The following PTPRM variants were observed in gnomAD, a reference collection of about 807,000 sequenced individuals.
PTPRM encodes receptor-type tyrosine-protein phosphatase mu.
PTPRM carries 47 observed loss-of-function variants against 186.7 expected under a neutral mutation model. The observed-to-expected ratio is 0.25, with a 90% CI of 0.20 to 0.32. The LOEUF (loss-of-function observed/expected upper bound fraction) is 0.32. PTPRM is among the 10% of genes least tolerant of loss of function. The pLI is 1.00. For synonymous variants in PTPRM, 668 were observed against 674.9 expected, an observed-to-expected ratio of 0.99 and a Z score of 0.16; for missense variants, 1,494 against 1,865.0, an observed-to-expected ratio of 0.80 and a Z score of 3.66.
intron 32 of PTPRM, among the ~76,000 whole-genome samples, chr18:8,405,544 T>C (rs556533799): frequency 6.6e-6 from 1 of 152,314 alleles, no homozygotes; most frequent in Non-Finnish European, 1.5e-5. Flanking sequence ...TCATGTGTTG[T>C]CATTGGGTTA....
At chr18:8,290,414 A>T (rs75657150) in intron 19 of PTPRM, among the ~76,000 whole-genome samples, 12,837 of 151,860 alleles carry the variant, frequency 0.085, 603 homozygotes, top group Middle Eastern at 0.16. Flanking sequence ...TCCTTTTTTA[A>T]TATCTAGGAG....
At chr18:8,172,284 T>A (rs4798612) in intron 14 of PTPRM, among the ~76,000 whole-genome samples, 82,578 of 144,220 alleles carry the variant, frequency 0.57, 23,979 homozygotes, top group East Asian at 0.86. Flanking sequence ...TTTTTTTTTT[T>A]ATAACTTTAC....
chr18:8,288,638 T>G (rs1157585202), intron 19 of PTPRM, among the ~76,000 whole-genome samples: 1 of 152,206 alleles, frequency 6.6e-6, no homozygotes, highest in East Asian at 1.9e-4. Flanking sequence ...AGTTACTGTT[T>G]CCATGACTAT....
intron 3 of PTPRM, 127 bp downstream of exon 3, chr18:7,888,504 G>C: frequency 9.1e-7 from 1 of 1,095,426 alleles, no homozygotes; most frequent in Non-Finnish European, 1.3e-6. Flanking sequence ...GGAGAAAGGG[G>C]AACTCTCATC....
At chr18:7,866,666 GA>G (rs1427269497) in intron 2 of PTPRM, among the ~76,000 whole-genome samples, 8 of 152,184 alleles carry the variant, frequency 5.3e-5, no homozygotes, top group Non-Finnish European at 1.2e-4. Flanking sequence ...ATATTCTGTT[GA>G]TTTGGGGTGG....
chr18:7,827,793 A>G (rs1244350310), intron 2 of PTPRM, among the ~76,000 whole-genome samples: 1 of 152,216 alleles, frequency 6.6e-6, no homozygotes, highest in Non-Finnish European at 1.5e-5. Context: ...TTATATATCC[A>G]TAGTGGACAT....
chr18:7,617,300 G>GTCTA (rs1402398813), intron 1 of PTPRM, among the ~76,000 whole-genome samples: 27 of 152,246 alleles, frequency 1.8e-4, no homozygotes, highest in Middle Eastern at 3.4e-3. Context: ...TCGATTTGTA[G>GTCTA]GTTGAATAAT....
At chr18:7,940,509 G>C (rs1338906819) in intron 5 of PTPRM, among the ~76,000 whole-genome samples, 1 of 152,178 alleles carries the variant, frequency 6.6e-6, no homozygotes, top group African/African-American at 2.4e-5. Flanking sequence ...TTGGCTCTGG[G>C]GGATGGGTGG....
chr18:8,041,032 A>G (rs1489993275), intron 7 of PTPRM, among the ~76,000 whole-genome samples: 2 of 152,186 alleles, frequency 1.3e-5, no homozygotes, highest in Non-Finnish European at 2.9e-5. Flanking sequence ...GGTGGTAATG[A>G]CTTGGAATTA....
chr18:8,271,393 A>T (rs138389656), intron 19 of PTPRM, among the ~76,000 whole-genome samples: 8 of 151,968 alleles, frequency 5.3e-5, no homozygotes, highest in African/African-American at 1.9e-4. Context: ...CTTGGTCATG[A>T]TATATATTAA....
At chr18:8,343,597 C>T in intron 23 of PTPRM, 77 bp downstream of exon 23, 1 of 1,314,104 alleles carries the variant, frequency 7.6e-7, no homozygotes. Flanking sequence ...ATGAGGCAAG[C>T]TTTTGAACTA....
intron 1 of PTPRM, among the ~76,000 whole-genome samples, chr18:7,663,201 C>T (rs533399833): frequency 9.8e-5 from 15 of 152,344 alleles, no homozygotes; most frequent in Admixed American, 9.8e-4. Context: ...GTCACGCACT[C>T]ACTAAGCACA....
chr18:8,002,515 T>G (rs1051613977), intron 7 of PTPRM, among the ~76,000 whole-genome samples: 5 of 152,178 alleles, frequency 3.3e-5, no homozygotes, highest in African/African-American at 1.2e-4. Context: ...GATCCATGAC[T>G]CTGGGAGAAG....
intron 14 of PTPRM, among the ~76,000 whole-genome samples, chr18:8,172,469 T>G (rs1422804120): frequency 6.6e-6 from 1 of 152,086 alleles, no homozygotes; most frequent in African/African-American, 2.4e-5. Context: ...CCAAGGAACC[T>G]GTCTCAGAAT....
chr18:8,065,239 A>C (rs2088968456), intron 7 of PTPRM, among the ~76,000 whole-genome samples: 1 of 152,210 alleles, frequency 6.6e-6, no homozygotes, highest in Non-Finnish European at 1.5e-5. Flanking sequence ...TGATCCTATC[A>C]GTCAGTTTTT....
At chr18:8,368,330 T>G (rs201640163) in intron 23 of PTPRM, among the ~76,000 whole-genome samples, 1 of 152,018 alleles carries the variant, frequency 6.6e-6, no homozygotes, top group Admixed American at 6.5e-5. Flanking sequence ...ACTTTACATC[T>G]GGGAAAGGAG....
chr18:7,930,498 G>C (rs1487854882), intron 5 of PTPRM, among the ~76,000 whole-genome samples: 2 of 152,158 alleles, frequency 1.3e-5, no homozygotes. Flanking sequence ...GGAAGTTTAG[G>C]ATTGTCCTGG....
At position 8,027,773 on chromosome 18, in the gene PTPRM, G is replaced by A. The variant is rs1191654114; in HGVS notation, c.1133-41913G>A. 7.2e-5 allele frequency among the ~76,000 whole-genome samples: 11 copies of A among 152,100 alleles called. 1 individual carries two copies. The highest frequency in any genetic ancestry group is 6.6e-4 in the Admixed American group (10 of 15,262). On this transcript the variant is annotated intron_variant, in intron 7 of 32. Coordinates refer to ENST00000580170, the MANE Select transcript of PTPRM (RefSeq NM_001105244.2). ...CAATTTACTGCAGTTTTAGAAAAAC[G>A]ATTGACTAGATACAAAGACAAGTCT... is the stretch of plus-strand genomic sequence containing the variant.
chr18:8,079,726 T>A (rs572453672), intron 9 of PTPRM, among the ~76,000 whole-genome samples: 2 of 152,066 alleles, frequency 1.3e-5, no homozygotes, highest in Admixed American at 6.6e-5. Flanking sequence ...TGTTATATAT[T>A]TTTCTAAGCT....
Sources: allele counts gnomAD v4.1 joint callset (sites outside exome capture counted in the v4.1 genomes callset), GRCh38; gene constraint gnomAD v4.1.1; transcripts MANE v1.5; gene names NCBI Gene and HGNC (gene_info 2026-07-23, HGNC 2026-07-21).